The following ERC2 variants were observed in gnomAD, a reference collection of about 807,000 sequenced individuals.
ERC2 encodes ERC protein 2.
A neutral mutation model predicts 114.8 loss-of-function variants in ERC2; 42 were observed. The observed-to-expected ratio is 0.37, with a 90% CI of 0.29 to 0.47. The LOEUF (loss-of-function observed/expected upper bound fraction) is 0.47, where lower values mean the gene tolerates loss of function less well. Among genes scored for constraint, ERC2 ranks in the 20% least tolerant of loss-of-function variants. ERC2 has a pLI of 0.99. For synonymous variants in ERC2, 454 were observed against 425.5 expected (o/e 1.07, Z -0.82); for missense variants, 939 against 1,150.7 (o/e 0.82, Z 2.66).
At chr3:56,181,704 G>T (rs1490317232) in intron 3 of ERC2, among the ~76,000 whole-genome samples, 1 of 152,138 alleles carries the variant, frequency 6.6e-6, no homozygotes, top group Non-Finnish European at 1.5e-5. Flanking sequence ...ATAGAATAAG[G>T]TGGAAGTGAC....
At chr3:56,441,399 T>C (rs954606750) in intron 1 of ERC2, among the ~76,000 whole-genome samples, 1 of 152,278 alleles carries the variant, frequency 6.6e-6, no homozygotes. Flanking sequence ...AAGTAAGAAA[T>C]TATTATTTAA....
chr3:56,106,554 T>C (rs1172106249), intron 6 of ERC2, among the ~76,000 whole-genome samples: 2 of 152,180 alleles, frequency 1.3e-5, no homozygotes, highest in Admixed American at 6.5e-5. Flanking sequence ...AGAGGAAACA[T>C]AAAAATAGCC....
intron 14 of ERC2, among the ~76,000 whole-genome samples, chr3:55,833,483 C>A (rs949614498): frequency 6.6e-6 from 1 of 152,060 alleles, no homozygotes; most frequent in African/African-American, 2.4e-5. Flanking sequence ...GAATTTTCAA[C>A]CCAGAATTTC....
intron 3 of ERC2, among the ~76,000 whole-genome samples, chr3:56,217,758 C>T (rs1026296763): frequency 1.3e-5 from 2 of 152,170 alleles, no homozygotes; most frequent in African/African-American, 4.8e-5. Context: ...GCTACAGTAA[C>T]CAAAACAGCA....
intron 3 of ERC2, among the ~76,000 whole-genome samples, chr3:56,277,944 G>C (rs1388388265): frequency 1.3e-5 from 2 of 152,140 alleles, no homozygotes; most frequent in East Asian, 3.9e-4. Flanking sequence ...GCACAGGACT[G>C]TTGGCCCCCT....
chr3:55,569,945 C>A (rs981751736), intron 17 of ERC2, among the ~76,000 whole-genome samples: 1 of 150,674 alleles, frequency 6.6e-6, no homozygotes, highest in Admixed American at 6.6e-5. Context: ...GCAACCTCCA[C>A]CTCCCGGGTT....
chr3:55,750,258 AATT>A (rs1181269593), intron 14 of ERC2, among the ~76,000 whole-genome samples: 2 of 152,174 alleles, frequency 1.3e-5, no homozygotes, highest in African/African-American at 2.4e-5. Context: ...AATTGTTAAT[AATT>A]ATTATTTTGA....
At chr3:56,416,678 A>C (rs1410046460) in intron 2 of ERC2, among the ~76,000 whole-genome samples, 1 of 151,414 alleles carries the variant, frequency 6.6e-6, no homozygotes, top group African/African-American at 2.4e-5. Flanking sequence ...AAAAAAAAAA[A>C]AAACTCCTGA....
chr3:55,635,317 T>C (rs2148638748), intron 17 of ERC2, among the ~76,000 whole-genome samples: 1 of 152,346 alleles, frequency 6.6e-6, no homozygotes, highest in South Asian at 2.1e-4. Context: ...AAATGCTTCC[T>C]GTCATTTTAA....
chr3:55,848,654 A>G (rs1392116861), intron 14 of ERC2, among the ~76,000 whole-genome samples: 1 of 152,018 alleles, frequency 6.6e-6, no homozygotes, highest in African/African-American at 2.4e-5. Flanking sequence ...ATGTTTTTAT[A>G]TTTCTATATA....
intron 17 of ERC2, among the ~76,000 whole-genome samples, chr3:55,635,774 G>A (rs1328922752): frequency 1.3e-5 from 2 of 152,152 alleles, no homozygotes; most frequent in Non-Finnish European, 2.9e-5. Context: ...CAACCCAGCA[G>A]AGGCTCTCCC....
chr3:55,948,840 T>C (rs2149440686), intron 13 of ERC2, among the ~76,000 whole-genome samples: 1 of 152,348 alleles, frequency 6.6e-6, no homozygotes, highest in East Asian at 1.9e-4. Context: ...CCTCTGCATA[T>C]AGTAAACAAA....
At chr3:55,676,579 T>G (rs933084863) in intron 17 of ERC2, among the ~76,000 whole-genome samples, 2 of 151,766 alleles carry the variant, frequency 1.3e-5, no homozygotes, top group Non-Finnish European at 2.9e-5. Flanking sequence ...AGATTTGTTA[T>G]TTTCCCTCCA....
At chr3:56,312,544 T>C (rs996188902) in intron 2 of ERC2, among the ~76,000 whole-genome samples, 1 of 152,210 alleles carries the variant, frequency 6.6e-6, no homozygotes, top group African/African-American at 2.4e-5. Context: ...ATTTGATCAT[T>C]ACACATTCTA....
chr3:55,555,783 A>G (rs73077480), intron 17 of ERC2, among the ~76,000 whole-genome samples: 42,881 of 152,040 alleles, frequency 0.28, 6,141 homozygotes, highest in Middle Eastern at 0.33. Context: ...ACCTGTGCTC[A>G]GCTCTAGAGT....
chr3:56,446,611 CTT>C (rs71099636), intron 1 of ERC2, among the ~76,000 whole-genome samples: 1 of 120,240 alleles, frequency 8.3e-6, no homozygotes, highest in African/African-American at 3.2e-5. Flanking sequence ...GCATTTTCTT[CTT>C]TTTTTTTTTT....
At chr3:55,699,079 T>C (rs1576195563) in intron 16 of ERC2, among the ~76,000 whole-genome samples, 1 of 151,912 alleles carries the variant, frequency 6.6e-6, no homozygotes, top group Non-Finnish European at 1.5e-5. Flanking sequence ...AAAGAGACAT[T>C]CCAAAGTAAC....
chr3:55,808,733 ATATATATAT>A (rs1559689467), intron 14 of ERC2, among the ~76,000 whole-genome samples: 66 of 117,596 alleles, frequency 5.6e-4, no homozygotes, highest in African/African-American at 1.4e-3. Context: ...ATATATATAT[ATATATATAT>A]AACGTATAAC....
chr3:56,458,294 G>A (rs1018569469), intron 1 of ERC2, among the ~76,000 whole-genome samples: 6 of 152,280 alleles, frequency 3.9e-5, no homozygotes, highest in African/African-American at 1.4e-4. Context: ...CTAGATGATA[G>A]AGAAACAGAG....
Sources: allele counts gnomAD v4.1 joint callset (sites outside exome capture counted in the v4.1 genomes callset), GRCh38; gene constraint gnomAD v4.1.1; transcripts MANE v1.5; gene names NCBI Gene and HGNC (gene_info 2026-07-23, HGNC 2026-07-21).